Variants in ADGRV1 observed in about 807,000 individuals in gnomAD.
The protein encoded by ADGRV1 is G-protein coupled receptor 98.
ADGRV1 carries 359 observed loss-of-function variants against 596.2 expected under a neutral mutation model. The observed-to-expected ratio is 0.60, with a 90% CI of 0.55 to 0.66. The LOEUF is 0.66. Among genes scored for constraint, ADGRV1 ranks in the 30% least tolerant of loss-of-function variants. The pLI, the probability that ADGRV1 is intolerant of heterozygous loss-of-function variation, is 0.00. For synonymous variants in ADGRV1, 2,681 were observed against 2,679.2 expected (o/e 1.00, Z -0.02); for missense variants, 7,274 against 7,575.6 (o/e 0.96, Z 1.48).
intron 41 of ADGRV1, 108 bp downstream of exon 41, chr5:90,711,430 A>C: frequency 1.2e-6 from 1 of 817,372 alleles, no homozygotes. Context: ...ATTCTTAAAA[A>C]CCATTGTATT....
At chr5:91,012,637 A>G (rs1216109604) in intron 85 of ADGRV1, among the ~76,000 whole-genome samples, 2 of 152,022 alleles carry the variant, frequency 1.3e-5, no homozygotes, top group Non-Finnish European at 2.9e-5. Flanking sequence ...TGGAAAACAA[A>G]AAGCAGTTTT....
At chr5:90,634,121 T>C (rs919624375) in intron 9 of ADGRV1, among the ~76,000 whole-genome samples, 1 of 152,208 alleles carries the variant, frequency 6.6e-6, no homozygotes, top group Non-Finnish European at 1.5e-5. Flanking sequence ...AAAATTCCTA[T>C]GGTTTTTGCA....
chr5:91,025,045 C>T (rs1282555472), intron 85 of ADGRV1, among the ~76,000 whole-genome samples: 3 of 152,128 alleles, frequency 2.0e-5, no homozygotes, highest in African/African-American at 7.2e-5. Flanking sequence ...TTACCTATAG[C>T]AAGCTTCTCT....
chr5:90,695,965 C>T (rs944450519), intron 33 of ADGRV1, among the ~76,000 whole-genome samples: 1 of 152,016 alleles, frequency 6.6e-6, no homozygotes, highest in Admixed American at 6.6e-5. Flanking sequence ...ATATAAATTA[C>T]CATTACCATG....
At chr5:90,596,031 T>G (rs1260947680) in intron 1 of ADGRV1, among the ~76,000 whole-genome samples, 7 of 117,716 alleles carry the variant, frequency 5.9e-5, no homozygotes, top group South Asian at 6.2e-4. Context: ...TCACTTCTCA[T>G]ACGGGGTGGC....
At chr5:91,030,900 A>G (rs919085257) in intron 85 of ADGRV1, 4 of 554,944 alleles carry the variant, frequency 7.2e-6, no homozygotes, top group Non-Finnish European at 1.2e-5. Flanking sequence ...ATTTCCTGAG[A>G]TCTGTGAAGA....
intron 88 of ADGRV1, 92 bp from the exon 89 acceptor site, chr5:91,153,129 G>A: frequency 9.9e-7 from 1 of 1,009,282 alleles, no homozygotes; most frequent in Non-Finnish European, 1.5e-6. Flanking sequence ...TTTGTACGGA[G>A]AGGCAGAGAT....
intron 50 of ADGRV1, among the ~76,000 whole-genome samples, chr5:90,730,256 C>CT (rs148611246): frequency 0.026 from 3,971 of 152,216 alleles, 153 homozygotes; most frequent in African/African-American, 0.091. Flanking sequence ...TTCAATTTTC[C>CT]TTTTGCAGAT....
rs1031108027 is a variant in ADGRV1 at position 91,019,400 on chromosome 5, C to A, written c.18152+33878C>A. Among the ~76,000 whole-genome samples the A allele has an allele frequency of 2.6e-5, 4 of 152,088 alleles. No homozygotes were observed. The South Asian group carries it at 6.2e-4, about 24-fold the overall frequency. ...TCTCCTTTAATCTGGTATGGATGAT[C>A]ATTTTAGCCAGAACACCTTTAACCA... On this transcript the variant is annotated intron_variant, in intron 85 of 89. Coordinates refer to ENST00000405460, the MANE Select transcript of ADGRV1 (RefSeq NM_032119.4).
chr5:90,824,947 T>TC (rs1465852914), intron 76 of ADGRV1, among the ~76,000 whole-genome samples: 1 of 152,092 alleles, frequency 6.6e-6, no homozygotes, highest in African/African-American at 2.4e-5. Flanking sequence ...CTTTTTTTTT[T>TC]CTTTTTTGAG....
At chr5:90,917,284 TATAA>T (rs1773471548) in intron 83 of ADGRV1, among the ~76,000 whole-genome samples, 1 of 151,500 alleles carries the variant, frequency 6.6e-6, no homozygotes, top group Non-Finnish European at 1.5e-5. Flanking sequence ...TAGCTATGTT[TATAA>T]ATGGAGCCAT....
intron 34 of ADGRV1, among the ~76,000 whole-genome samples, chr5:90,698,889 A>G (rs2149666556): frequency 6.6e-6 from 1 of 152,206 alleles, no homozygotes; most frequent in East Asian, 1.9e-4. Context: ...TCAGTGAGTA[A>G]TCAGTAATCA....
At chr5:91,113,461 C>A (rs1562236576) in intron 87 of ADGRV1, among the ~76,000 whole-genome samples, 1 of 152,166 alleles carries the variant, frequency 6.6e-6, no homozygotes, top group Admixed American at 6.6e-5. Flanking sequence ...TGAATATAGG[C>A]AGACCACCTT....
chr5:91,085,238 T>C (rs1789762361), intron 86 of ADGRV1, among the ~76,000 whole-genome samples: 1 of 152,162 alleles, frequency 6.6e-6, no homozygotes, highest in Non-Finnish European at 1.5e-5. Context: ...TTAAAAAATA[T>C]TATATATGTA....
chr5:91,144,026 A>T (rs1795326799), intron 87 of ADGRV1, among the ~76,000 whole-genome samples: 1 of 152,134 alleles, frequency 6.6e-6, no homozygotes, highest in Non-Finnish European at 1.5e-5. Flanking sequence ...AGATTGGAGC[A>T]GGCACTGGGA....
At position 90,694,254 on chromosome 5, in the gene ADGRV1, G is replaced by A. The variant is rs1035863652; in HGVS notation, c.7498G>A (p.Gly2500Arg). The change falls in exon 33 of 90, where the codon GGG (glycine) becomes AGG (arginine). Residue 2500 changes from glycine to arginine, a missense_variant. Coordinates refer to ENST00000405460, the MANE Select transcript of ADGRV1 (RefSeq NM_032119.4). ...TCTTTTTAGTGGTCAGGCTGTGGCT[G>A]GGAGTGACTATGAGCCTGTGACAAG... ...ASLFSGQAVAGSDYEPVTRQW... is the reference protein window; with the variant it reads ...ASLFSGQAVARSDYEPVTRQW... The A allele has an allele frequency of 3.7e-6, 6 of 1,613,860 alleles. No individual in the cohort carries two copies. The highest frequency in any genetic ancestry group is 4.2e-6 in the Non-Finnish European group (5 of 1,179,860).
At chr5:90,921,670 G>A (rs570900737) in intron 83 of ADGRV1, among the ~76,000 whole-genome samples, 1 of 151,944 alleles carries the variant, frequency 6.6e-6, no homozygotes, top group Non-Finnish European at 1.5e-5. Flanking sequence ...TACCCTTCAT[G>A]GCTACTTAAA....
intron 1 of ADGRV1, among the ~76,000 whole-genome samples, chr5:90,573,529 T>G (rs1216303545): frequency 6.6e-6 from 1 of 151,954 alleles, no homozygotes; most frequent in East Asian, 1.9e-4. Flanking sequence ...TAAGAATTTG[T>G]GTATCTACAC....
rs767819670 is a variant in ADGRV1, at chr5:90,703,729, G to A, written c.8220G>A (p.Trp2740Ter). 3.7e-6 allele frequency: 6 copies of A among 1,605,322 alleles called. No homozygotes were observed. In the South Asian group the frequency reaches 6.7e-5, roughly 18 times the overall value. ...FPGRGNVTVN[W>*]KIIGQNLELN... ...GTCGAGGAAATGTTACTGTTAACTG[G>A]AAAATTATTGGGCAAAATCTAGAAC... The change falls in exon 35 of 90, where the codon TGG becomes TGA. Residue 2740 changes from tryptophan to a stop codon, truncating the protein, a stop_gained. Coordinates refer to ENST00000405460, the MANE Select transcript of ADGRV1 (RefSeq NM_032119.4). LOFTEE classifies it high-confidence loss of function.
Sources: gnomAD v4.1 joint callset for allele counts (sites outside exome capture counted in the v4.1 genomes callset) on GRCh38, gnomAD v4.1.1 for gene constraint, MANE v1.5 for transcripts, NCBI Gene and HGNC (gene_info 2026-07-23, HGNC 2026-07-21) for gene names.